The following HPSE2 variants were observed in gnomAD, a reference collection of about 807,000 sequenced individuals.
HPSE2 encodes the protein inactive heparanase-2.
HPSE2 carries 38 observed loss-of-function variants against 60.5 expected under a neutral mutation model. That is an observed-to-expected ratio of 0.63 (90% CI 0.48 to 0.82). HPSE2 has a LOEUF of 0.82. Ranked by LOEUF, HPSE2 falls within the 40% of genes least tolerant of loss-of-function variation. HPSE2 has a pLI of 0.00. For missense variants in HPSE2, 713 were observed against 740.4 expected, an observed-to-expected ratio of 0.96 and a Z score of 0.43; for synonymous variants, 295 against 293.2, an observed-to-expected ratio of 1.01 and a Z score of -0.06.
intron 9 of HPSE2, among the ~76,000 whole-genome samples, chr10:98,536,645 G>C (rs375380254): frequency 3.5e-4 from 54 of 152,286 alleles, no homozygotes; most frequent in African/African-American, 1.2e-3. Flanking sequence ...CAACAGATTC[G>C]TGCTGGAGAA....
At chr10:99,050,843 A>G (rs1957974681) in intron 3 of HPSE2, among the ~76,000 whole-genome samples, 1 of 152,208 alleles carries the variant, frequency 6.6e-6, no homozygotes, top group African/African-American at 2.4e-5. Context: ...AAGGCTGCAG[A>G]GTAGGGATAA....
Position 99,194,937 on chromosome 10 carries a change from GA to G in HPSE2, c.448+37410del, listed in dbSNP as rs1848342990. Among the ~76,000 whole-genome samples the G allele has an allele frequency of 3.3e-5, 5 of 151,928 alleles. No individual in the cohort carries two copies. In the South Asian group the frequency reaches 1.0e-3, roughly 32 times the overall value. ...ACCAAAACCAGACATATTAAAAAAAGAAAACTACAGGCCAAAATCCCTTATG... is the reference window on the plus strand; with the variant it reads ...ACCAAAACCAGACATATTAAAAAAAGAAACTACAGGCCAAAATCCCTTATG... On this transcript the variant is annotated intron_variant, in intron 2 of 11. Transcript: ENST00000370552.
intron 9 of HPSE2, among the ~76,000 whole-genome samples, chr10:98,542,516 A>T (rs536879): frequency 6.6e-6 from 1 of 151,578 alleles, no homozygotes; most frequent in African/African-American, 2.4e-5. Flanking sequence ...GGCTTCAGAC[A>T]ATCAAATTAC....
At chr10:99,081,623 G>GATGATGAT (rs1564791641) in intron 3 of HPSE2, among the ~76,000 whole-genome samples, 6 of 112,214 alleles carry the variant, frequency 5.3e-5, no homozygotes, top group Admixed American at 9.0e-5. Context: ...ATGATGATGA[G>GATGATGAT]ATAATATAAT....
chr10:98,861,853 C>A (rs1952465486), intron 3 of HPSE2, among the ~76,000 whole-genome samples: 1 of 152,008 alleles, frequency 6.6e-6, no homozygotes, highest in Non-Finnish European at 1.5e-5. Flanking sequence ...GCTTGTATCA[C>A]CAATGGTAAA....
chr10:98,856,755 A>C (rs2134757603), intron 3 of HPSE2, among the ~76,000 whole-genome samples: 1 of 152,340 alleles, frequency 6.6e-6, no homozygotes, highest in Non-Finnish European at 1.5e-5. Flanking sequence ...ATTTTCAAAA[A>C]TATGAAAGAG....
chr10:98,953,380 C>T (rs1955422292), intron 3 of HPSE2, among the ~76,000 whole-genome samples: 1 of 152,128 alleles, frequency 6.6e-6, no homozygotes, highest in African/African-American at 2.4e-5. Context: ...GACCCTTTGG[C>T]CTTATCAATG....
intron 3 of HPSE2, among the ~76,000 whole-genome samples, chr10:98,820,098 T>G (rs1229966389): frequency 5.9e-5 from 9 of 152,158 alleles, no homozygotes. Flanking sequence ...TGTCTTCACG[T>G]AGGAAAGTCA....
intron 3 of HPSE2, among the ~76,000 whole-genome samples, chr10:98,842,093 C>T (rs191611611): frequency 8.5e-4 from 130 of 152,226 alleles, no homozygotes; most frequent in Non-Finnish European, 1.3e-3. Flanking sequence ...GGCGTGCCAC[C>T]GCACCCGGCC....
At chr10:98,755,179 A>G (rs2134367132) in intron 3 of HPSE2, among the ~76,000 whole-genome samples, 1 of 152,278 alleles carries the variant, frequency 6.6e-6, no homozygotes, top group Middle Eastern at 3.4e-3. Flanking sequence ...ATGGAGAAAA[A>G]TCTACCAAGC....
At chr10:99,306,739 C>T in the HPSE2 span, among the ~76,000 whole-genome samples, 1 of 152,060 alleles carries the variant, frequency 6.6e-6, no homozygotes, top group East Asian at 1.9e-4. Flanking sequence ...GACAGAGTTT[C>T]GCTCTTGTTG....
chr10:98,811,068 T>C (rs1951159422), intron 3 of HPSE2, among the ~76,000 whole-genome samples: 1 of 152,162 alleles, frequency 6.6e-6, no homozygotes, highest in South Asian at 2.1e-4. Context: ...TCTTGATCTC[T>C]TCTTTACCTT....
intron 5 of HPSE2, among the ~76,000 whole-genome samples, chr10:98,718,517 T>A (rs938603595): frequency 6.6e-6 from 1 of 152,134 alleles, no homozygotes; most frequent in African/African-American, 2.4e-5. Flanking sequence ...ATATTCACAA[T>A]AGTCAAGATA....
At chr10:99,019,643 A>G (rs1451851393) in intron 3 of HPSE2, among the ~76,000 whole-genome samples, 3 of 152,040 alleles carry the variant, frequency 2.0e-5, no homozygotes, top group Non-Finnish European at 1.5e-5. Context: ...CAGTTTCTTC[A>G]GGTGGTTTTC....
chr10:98,766,784 G>A (rs1006677795), intron 3 of HPSE2, among the ~76,000 whole-genome samples: 1 of 152,060 alleles, frequency 6.6e-6, no homozygotes, highest in African/African-American at 2.4e-5. Context: ...AATTAGCTGG[G>A]CATGGTGGTG....
chr10:98,774,518 C>T (rs1950301528), intron 3 of HPSE2, among the ~76,000 whole-genome samples: 1 of 152,114 alleles, frequency 6.6e-6, no homozygotes, highest in Non-Finnish European at 1.5e-5. Context: ...ACAATCAGAT[C>T]AGAAATCTGG....
At chr10:98,898,352 A>G (rs114187523) in intron 3 of HPSE2, among the ~76,000 whole-genome samples, 54 of 152,316 alleles carry the variant, frequency 3.5e-4, no homozygotes, top group African/African-American at 1.3e-3. Context: ...AGGTGAATGT[A>G]TAAACAAATA....
chr10:99,070,417 T>C (rs1245238098), intron 3 of HPSE2, among the ~76,000 whole-genome samples: 1 of 152,200 alleles, frequency 6.6e-6, no homozygotes, highest in Admixed American at 6.5e-5. Context: ...AGTGAGATAC[T>C]ACTACCTATG....
chr10:99,194,534 A>C (rs1848327538), intron 2 of HPSE2, among the ~76,000 whole-genome samples: 1 of 151,752 alleles, frequency 6.6e-6, no homozygotes, highest in African/African-American at 2.4e-5. Flanking sequence ...ATTAAAAAAA[A>C]AACCCAAATA....
Sources: allele counts gnomAD v4.1 joint callset (sites outside exome capture counted in the v4.1 genomes callset), GRCh38; gene constraint gnomAD v4.1.1; transcripts MANE v1.5; gene names NCBI Gene and HGNC (gene_info 2026-07-23, HGNC 2026-07-21).